Variants in IL1RAPL1 observed in about 807,000 individuals in gnomAD.
IL1RAPL1 encodes the protein interleukin 1 receptor accessory protein like 1.
Under a neutral mutation model 48.4 loss-of-function variants are expected in IL1RAPL1, and 3 were observed. The observed-to-expected ratio is 0.06, with a 90% CI of 0.03 to 0.16. IL1RAPL1 has a LOEUF of 0.16. Ranked by LOEUF, IL1RAPL1 falls within the 10% of genes least tolerant of loss-of-function variation. The probability of loss-of-function intolerance (pLI) is 1.00; values close to 1 mark genes in which losing one functional copy is unlikely to be tolerated. For synonymous variants in IL1RAPL1, 185 were observed against 187.7 expected (o/e 0.99, Z 0.12); for missense variants, 349 against 530.6 (o/e 0.66, Z 3.36).
intron 2 of IL1RAPL1, among the ~76,000 whole-genome samples, chrX:29,196,505 C>G (rs1236560453): frequency 4.5e-5 from 5 of 111,935 alleles, no homozygotes; most frequent in African/African-American, 1.6e-4. Flanking sequence ...CTTATCCATA[C>G]AAATGCTTTT....
Position 29,240,193 on chromosome X carries a change from CACATATATATAT to C in IL1RAPL1, c.83-42743_83-42732del, listed in dbSNP as rs1212554334. Among the ~76,000 whole-genome samples the C allele has an allele frequency of 4.5e-3, 165 of 36,632 alleles. 5 individuals are homozygous for C. The highest frequency in any genetic ancestry group is 0.025 in the South Asian group (18 of 732). The allele number at this position is 36,632 out of a possible 115,157, so 31.8% of individuals were successfully genotyped here. A position where few individuals can be genotyped will look rare whatever the true frequency, so the allele number is the denominator to read the frequency against. ...ATAGTAGTATATAGGTACACACACACACATATATATATATATATATATATATATATATTTTTT... is the reference window on the plus strand; with the variant it reads ...ATAGTAGTATATAGGTACACACACACATATATATATATATATATATTTTTT... On this transcript the variant is annotated intron_variant, in intron 2 of 10. Coordinates refer to ENST00000378993, the MANE Select transcript of IL1RAPL1 (RefSeq NM_014271.4).
intron 2 of IL1RAPL1, among the ~76,000 whole-genome samples, chrX:28,982,575 T>C (rs1385601744): frequency 8.9e-6 from 1 of 111,824 alleles, no homozygotes; most frequent in East Asian, 2.8e-4. Flanking sequence ...AACAAGGGTA[T>C]GTATTTCATT....
intron 2 of IL1RAPL1, among the ~76,000 whole-genome samples, chrX:28,888,498 C>T (rs1228070277): frequency 1.8e-5 from 2 of 110,909 alleles, no homozygotes; most frequent in Middle Eastern, 4.2e-3. Context: ...AACATGAAAG[C>T]CAATGAACAT....
At chrX:29,200,454 G>A (rs1423115640) in intron 2 of IL1RAPL1, among the ~76,000 whole-genome samples, 1 of 111,795 alleles carries the variant, frequency 8.9e-6, no homozygotes, top group African/African-American at 3.2e-5. Context: ...GTGTTATTTG[G>A]CATCTTTGAA....
intron 1 of IL1RAPL1, among the ~76,000 whole-genome samples, chrX:28,748,526 A>G (rs1936004918): frequency 8.9e-6 from 1 of 112,053 alleles, no homozygotes; most frequent in African/African-American, 3.2e-5. Context: ...ATTTGATGGA[A>G]CAAACCTTTT....
intron 6 of IL1RAPL1, among the ~76,000 whole-genome samples, chrX:29,671,797 G>A (rs948165410): frequency 8.9e-6 from 1 of 112,076 alleles, no homozygotes; most frequent in Non-Finnish European, 1.9e-5. Context: ...CCAGGACAGA[G>A]AGCATATTCT....
At chrX:28,957,623 TTATCTC>T (rs1371232605) in intron 2 of IL1RAPL1, among the ~76,000 whole-genome samples, 1 of 111,235 alleles carries the variant, frequency 9.0e-6, no homozygotes, top group Non-Finnish European at 1.9e-5. Context: ...GATTTTGAGT[TTATCTC>T]TGATCACTTG....
At chrX:29,841,927 T>C (rs184240354) in intron 6 of IL1RAPL1, among the ~76,000 whole-genome samples, 4 of 112,068 alleles carry the variant, frequency 3.6e-5, no homozygotes. Context: ...GGAGAAGGTA[T>C]GTGTGAGATG....
At chrX:29,476,869 A>ATTTTTTTTTTTTTTTTTTTTTT (rs1934980303) in intron 5 of IL1RAPL1, among the ~76,000 whole-genome samples, 1 of 49,341 alleles carries the variant, frequency 2.0e-5, no homozygotes, top group Admixed American at 1.6e-4. Flanking sequence ...TTTTACCCAT[A>ATTTTTTTTTTTTTTTTTTTTTT]TTCTTTTTTT....
intron 1 of IL1RAPL1, among the ~76,000 whole-genome samples, chrX:28,666,240 A>G (rs1423135102): frequency 1.8e-5 from 2 of 112,102 alleles, no homozygotes; most frequent in African/African-American, 6.5e-5. Flanking sequence ...TGACATCCAA[A>G]TAACCCAACC....
chrX:29,417,273 C>T (rs12863618), intron 5 of IL1RAPL1, among the ~76,000 whole-genome samples: 8,898 of 111,116 alleles, frequency 0.08, 342 homozygotes, highest in South Asian at 0.22. Flanking sequence ...GAGAAAACTG[C>T]ATGAAAATGG....
intron 2 of IL1RAPL1, among the ~76,000 whole-genome samples, chrX:28,999,050 G>A (rs1278257228): frequency 1.8e-5 from 2 of 111,534 alleles, no homozygotes; most frequent in African/African-American, 3.3e-5. Flanking sequence ...TGACTTTTCA[G>A]CCACGTAGAA....
At chrX:29,915,714 CTT>C (rs201364121) in intron 6 of IL1RAPL1, among the ~76,000 whole-genome samples, 595 of 54,296 alleles carry the variant, frequency 0.011, 9 homozygotes, top group African/African-American at 0.035. Context: ...TGGTAATATT[CTT>C]TTTTTTTTTT....
chrX:29,155,886 A>C (rs2147501638), intron 2 of IL1RAPL1, among the ~76,000 whole-genome samples: 1 of 111,363 alleles, frequency 9.0e-6, no homozygotes, highest in Non-Finnish European at 1.9e-5. Context: ...AGTACAATGT[A>C]ATAGTCACAC....
intron 6 of IL1RAPL1, among the ~76,000 whole-genome samples, chrX:29,849,603 G>T (rs1164137312): frequency 9.0e-6 from 1 of 111,684 alleles, no homozygotes; most frequent in African/African-American, 3.3e-5. Flanking sequence ...CATAAGACCT[G>T]AAACCTGAAT....
intron 2 of IL1RAPL1, among the ~76,000 whole-genome samples, chrX:29,250,629 T>C (rs752038673): frequency 8.9e-6 from 1 of 111,833 alleles, no homozygotes. Context: ...AAAATTTATT[T>C]TTTTCATTGT....
intron 6 of IL1RAPL1, among the ~76,000 whole-genome samples, chrX:29,691,298 A>G (rs192527717): frequency 7.4e-4 from 83 of 111,783 alleles, no homozygotes; most frequent in African/African-American, 2.4e-3. Flanking sequence ...ACATAATGCA[A>G]TGTGATTTGA....
chrX:29,393,110 G>A (rs1160304666), intron 3 of IL1RAPL1, among the ~76,000 whole-genome samples: 1 of 111,401 alleles, frequency 9.0e-6, no homozygotes, highest in African/African-American at 3.3e-5. Context: ...AAAGCCAAAG[G>A]AGCCAAGTAA....
intron 6 of IL1RAPL1, among the ~76,000 whole-genome samples, chrX:29,896,720 C>T (rs1245875620): frequency 8.9e-6 from 1 of 112,094 alleles, no homozygotes; most frequent in Non-Finnish European, 1.9e-5. Flanking sequence ...TAAGAATGAG[C>T]ACACATACCT....
Sources: gnomAD v4.1 joint callset for allele counts (sites outside exome capture counted in the v4.1 genomes callset) on GRCh38, gnomAD v4.1.1 for gene constraint, MANE v1.5 for transcripts, NCBI Gene and HGNC (gene_info 2026-07-23, HGNC 2026-07-21) for gene names.